The following IL17RE variants were observed in gnomAD, a reference collection of about 807,000 sequenced individuals.
IL17RE encodes the protein interleukin-17 receptor E.
A neutral mutation model predicts 70.7 loss-of-function variants in IL17RE; 47 were observed. The ratio of observed to expected loss-of-function variants is 0.67; its 90% CI spans 0.53 to 0.85. The LOEUF is 0.85. Among genes scored for constraint, IL17RE ranks in the 40% least tolerant of loss-of-function variants. IL17RE has a pLI of 0.00. For missense variants in IL17RE, 850 were observed against 893.9 expected (o/e 0.95, Z 0.63); for synonymous variants, 372 against 381.2 (o/e 0.98, Z 0.28).
rs181725341 is a variant in IL17RE at position 9,906,813 on chromosome 3, G to A, written c.474G>A (p.Ser158=). Residue 158 remains serine, a synonymous_variant, in exon 5 of 16, where the codon TCG becomes TCA. Coordinates refer to ENST00000383814, the MANE Select transcript of IL17RE (RefSeq NM_153480.2). ...TTCGCTCTAAAAGGACCCAACCTTC[G>A]GATCCAGAGACATGGGAAAGTCTTC... ...KGLRSKRTQP[S]DPETWESLPR... 6.4e-5 allele frequency: 103 copies of A among 1,614,122 alleles called. 1 individual carries two copies. Among genetic ancestry groups the A allele is most frequent in the South Asian group, 2.0e-4 (18 of 91,076 alleles).
chr3:9,911,614 A>G lies in IL17RE; in HGVS notation c.1227+17A>G, dbSNP rs1200136100. On this transcript the variant is annotated intron_variant, in intron 12 of 15. Coordinates refer to ENST00000383814, the MANE Select transcript of IL17RE (RefSeq NM_153480.2). ...GTCAGCCAGGTATGGCCTCGCCCCC[A>G]CTAGGTCCTATTGCTCAGAGCACAG... The G allele has an allele frequency of 6.2e-7, 1 of 1,605,560 alleles. No individual in the cohort carries two copies.
At chr3:9,907,899 T>G (rs2125079680) in intron 6 of IL17RE, among the ~76,000 whole-genome samples, 1 of 152,292 alleles carries the variant, frequency 6.6e-6, no homozygotes, top group South Asian at 2.1e-4. Flanking sequence ...CTTATCATTT[T>G]TATAACAGTG....
rs376784314 is a variant in IL17RE at position 9,906,520 on chromosome 3, C to T, written c.366+59C>T. On this transcript the variant is annotated intron_variant, in intron 4 of 15. Coordinates refer to ENST00000383814, the MANE Select transcript of IL17RE (RefSeq NM_153480.2). ...GCCCCACAGACCTTTGCTTTCTGGC[C>T]TCTCATTTGGTTCTCCAGCCATGTG... 1.3e-5 allele frequency: 19 copies of T among 1,431,044 alleles called. No homozygotes were observed. In the African/African-American group the frequency reaches 1.7e-4, roughly 13 times the overall value. The allele number at this position is 1,431,044 out of a possible 1,614,324, so 88.6% of individuals were successfully genotyped here.
At chr3:9,911,322 G>C (rs1360546035) in intron 11 of IL17RE, 22 bp downstream of exon 11, 1 of 1,614,056 alleles carries the variant, frequency 6.2e-7, no homozygotes, top group African/African-American at 1.3e-5. Context: ...AGTGACCTCT[G>C]CTGGGACCCC....
intron 3 of IL17RE, 145 bp from the exon 4 acceptor site, chr3:9,906,219 A>G: frequency 5.8e-6 from 2 of 347,688 alleles, no homozygotes; most frequent in East Asian, 5.1e-5. Context: ...ATTGCTCTCC[A>G]GCCTGGGCAA....
In IL17RE at chr3:9,911,473, A is replaced by T. The variant is rs2082891325; in HGVS notation, c.1103A>T (p.Asp368Val). The change falls in exon 12 of 16, where the codon GAT (aspartate) becomes GTT (valine). Residue 368 changes from aspartate (D) to valine (V), a missense_variant. Transcript: ENST00000383814. ...CTCACATCCTGGAATGTAAGCATGGATACCCAAGCCCAGCAGCTGATTCTT... is the reference window on the plus strand; with the variant it reads ...CTCACATCCTGGAATGTAAGCATGGTTACCCAAGCCCAGCAGCTGATTCTT... Reference protein sequence around the residue: ...GSLTSWNVSMDTQAQQLILHF... With the variant: ...GSLTSWNVSMVTQAQQLILHF... The T allele has an allele frequency of 1.9e-6, 3 of 1,614,198 alleles. No homozygotes were observed. Among genetic ancestry groups the T allele is most frequent in the Non-Finnish European group, 2.5e-6 (3 of 1,180,032 alleles).
chr3:9,912,819 T>C (rs2082924219), intron 12 of IL17RE, among the ~76,000 whole-genome samples: 1 of 152,170 alleles, frequency 6.6e-6, no homozygotes, highest in Admixed American at 6.5e-5. Flanking sequence ...CAATGAGCTA[T>C]GATCATGCCA....
At chr3:9,913,558 A>G (rs895684285) in intron 12 of IL17RE, among the ~76,000 whole-genome samples, 2 of 152,236 alleles carry the variant, frequency 1.3e-5, no homozygotes, top group African/African-American at 4.8e-5. Flanking sequence ...GCCTGGACCC[A>G]GGTCTCCTGA....
intron 12 of IL17RE, among the ~76,000 whole-genome samples, 178 bp from the exon 13 acceptor site, chr3:9,913,778 G>C (rs1246670932): frequency 6.6e-6 from 1 of 152,242 alleles, no homozygotes; most frequent in African/African-American, 2.4e-5. Flanking sequence ...CTGAGCTCTG[G>C]GAAAGATCAG....
chr3:9,910,483 C>T (rs920557090), intron 8 of IL17RE: 12 of 206,102 alleles, frequency 5.8e-5, no homozygotes, highest in Admixed American at 1.1e-4. Flanking sequence ...CAGGAGTCCA[C>T]GAGGTCAGGA....
chr3:9,915,826 C>A lies in IL17RE; in HGVS notation c.*19C>A. The A allele has an allele frequency of 6.7e-7, 1 of 1,484,834 alleles. No homozygotes were observed. The highest frequency in any genetic ancestry group is 2.6e-5 in the Admixed American group (1 of 39,192). 92.0% of individuals were successfully genotyped at this position (1,484,834 alleles called of 1,614,324 possible). ...AGGTTGAGCAGAGCTCCACCGCAGTCCCGGGTGTCTGCGGCCGCAACGCAA... is the reference window on the plus strand; with the variant it reads ...AGGTTGAGCAGAGCTCCACCGCAGTACCGGGTGTCTGCGGCCGCAACGCAA... On this transcript the variant is annotated 3_prime_UTR_variant, in exon 16 of 16. Transcript: ENST00000383814. This position sits in a 1 kb window ranked among gnomAD's most constrained non-coding sequence, Gnocchi z 4.9.
intron 2 of IL17RE, 44 bp from the exon 3 acceptor site, chr3:9,903,988 C>T (rs752520680): frequency 1.2e-6 from 2 of 1,605,506 alleles, no homozygotes; most frequent in Admixed American, 1.7e-5. Flanking sequence ...GTAGGAGGGA[C>T]CTTCTTAGAC....
chr3:9,906,677 C>T (rs755710889), intron 4 of IL17RE, 29 bp from the exon 5 acceptor site: 8 of 1,611,898 alleles, frequency 5.0e-6, no homozygotes, highest in Non-Finnish European at 6.8e-6. Flanking sequence ...GATTTCTGGC[C>T]TGAGGCCAAC....
At position 9,907,108 on chromosome 3, in the gene IL17RE, G is replaced by T; in HGVS notation, c.666+8G>T. ...AGTCCCTATGATGTCCAGGTATGGT[G>T]TGTCATCCCCCTGTAAAAAGCCCGA... On this transcript the variant is annotated splice_region_variant and intron_variant, in intron 6 of 15. Coordinates refer to ENST00000383814, the MANE Select transcript of IL17RE (RefSeq NM_153480.2). The T allele has an allele frequency of 6.2e-7, 1 of 1,614,134 alleles. No homozygotes were observed. The highest frequency in any genetic ancestry group is 1.1e-5 in the South Asian group (1 of 91,080).
intron 13 of IL17RE, 160 bp from the exon 14 acceptor site, chr3:9,914,388 C>G (rs2082961299): frequency 2.0e-6 from 3 of 1,496,920 alleles, no homozygotes; most frequent in African/African-American, 1.4e-5. Context: ...CACCATTGAC[C>G]TGTTCTGTGC....
At position 9,914,006 on chromosome 3, in the gene IL17RE, G is replaced by T. The variant is rs376636725; in HGVS notation, c.1278G>T (p.Arg426Ser). ...TAGACCTCATCATTCCCTTCCTGAGGCCAGGGTGCTGTGTCCTGGTAAGGA... is the reference window on the plus strand; with the variant it reads ...TAGACCTCATCATTCCCTTCCTGAGTCCAGGGTGCTGTGTCCTGGTAAGGA... ...VSLDLIIPFL[R>S]PGCCVLVWRS... Residue 426 changes from arginine (R) to serine (S), a missense_variant, in exon 13 of 16, where the codon AGG (arginine) becomes AGT (serine). Coordinates refer to ENST00000383814, the MANE Select transcript of IL17RE (RefSeq NM_153480.2). 277 of 1,613,842 alleles carry T rather than the reference G, an allele frequency of 1.7e-4. No individual in the cohort carries two copies. Among genetic ancestry groups the T allele is most frequent in the Non-Finnish European group, 2.3e-4 (274 of 1,179,862 alleles).
Position 9,915,381 on chromosome 3 carries a change from G to A in IL17RE, c.1578G>A (p.Leu526=). 7.3e-7 allele frequency: 1 copy of A among 1,366,766 alleles called. No homozygotes were observed. The highest frequency in any genetic ancestry group is 9.3e-7 in the Non-Finnish European group (1 of 1,070,346). 84.7% of individuals were successfully genotyped at this position (1,366,766 alleles called of 1,614,324 possible). Residue 526 remains leucine, a synonymous_variant, in exon 16 of 16, where the codon CTG becomes CTA. Transcript: ENST00000383814. This position sits in a 1 kb window ranked among gnomAD's most constrained non-coding sequence, Gnocchi z 4.9. ...LGGGRDVIVD[L]WEGRHVARVG... The stretch of plus-strand genomic sequence containing the variant: ...GCGGGCGCGACGTGATCGTGGACCT[G>A]TGGGAGGGGAGGCACGTGGCGCGCG...
Position 9,915,412 on chromosome 3 carries a change from C to T in IL17RE, c.1609C>T (p.Pro537Ser), listed in dbSNP as rs1399824314. 2.2e-6 allele frequency: 3 copies of T among 1,361,160 alleles called. No individual in the cohort carries two copies. The highest frequency in any genetic ancestry group is 2.8e-6 in the Non-Finnish European group (3 of 1,066,764). 84.3% of individuals were successfully genotyped at this position (1,361,160 alleles called of 1,614,324 possible). Residue 537 changes from proline to serine, a missense_variant, in exon 16 of 16, where the codon CCG becomes TCG. Coordinates refer to ENST00000383814, the MANE Select transcript of IL17RE (RefSeq NM_153480.2). The surrounding 1 kb of genome is among the most constrained non-coding windows in gnomAD (Gnocchi z 4.9). ...WEGRHVARVG[P>S]LPWLWAARTR... ...GGGGAGGCACGTGGCGCGCGTGGGCCCGCTGCCGTGGCTCTGGGCGGCGCG... is the reference window on the plus strand; with the variant it reads ...GGGGAGGCACGTGGCGCGCGTGGGCTCGCTGCCGTGGCTCTGGGCGGCGCG...
upstream of IL17RE, chr3:9,902,540 G>A (rs950786344): frequency 1.6e-6 from 2 of 1,261,438 alleles, no homozygotes; most frequent in African/African-American, 3.0e-5. Context: ...CATGTCTATG[G>A]GAGACACAAG....
Sources: allele counts gnomAD v4.1 joint callset (sites outside exome capture counted in the v4.1 genomes callset), GRCh38; gene constraint gnomAD v4.1.1; non-coding constraint Gnocchi (gnomAD v3.1); transcripts MANE v1.5; gene names NCBI Gene and HGNC (gene_info 2026-07-23, HGNC 2026-07-21).